Variants in SUPV3L1 observed in about 807,000 individuals in gnomAD.
SUPV3L1 encodes the protein ATP-dependent RNA helicase SUPV3L1, mitochondrial.
Under a neutral mutation model 70.0 loss-of-function variants are expected in SUPV3L1, and 35 were observed. The observed-to-expected ratio is 0.50, with a 90% CI of 0.38 to 0.66. SUPV3L1 has a LOEUF of 0.66. Among genes scored for constraint, SUPV3L1 ranks in the 30% least tolerant of loss-of-function variants. SUPV3L1 has a pLI of 0.00. For missense variants in SUPV3L1, 777 were observed against 961.5 expected (o/e 0.81, Z 2.54); for synonymous variants, 364 against 341.9 (o/e 1.06, Z -0.71).
intron 6 of SUPV3L1, chr10:69,193,246 A>G (rs1842444283): frequency 8.6e-6 from 1 of 116,654 alleles, no homozygotes; most frequent in African/African-American, 2.5e-5. Flanking sequence ...GTGGGTGTGT[A>G]TATTAAACAA....
chr10:69,200,221 A>G, intron 10 of SUPV3L1, 59 bp from the exon 11 acceptor site: 1 of 1,405,454 alleles, frequency 7.1e-7, no homozygotes, highest in Non-Finnish European at 9.9e-7. Context: ...TTATGCAATG[A>G]CCCAAGTATT....
chr10:69,202,983 T>C lies in SUPV3L1; in HGVS notation c.1716T>C (p.Tyr572=). Reference sequence around the variant, plus strand: ...TTCCACTAAGTCTGCGAGTGAGGTATGTTTTCTGCACAGCTCCTATCAACA... The same window carrying C: ...TTCCACTAAGTCTGCGAGTGAGGTACGTTTTCTGCACAGCTCCTATCAACA... The part of the protein sequence containing the change: ...QHIPLSLRVR[Y]VFCTAPINKK... The change falls in exon 13 of 15, where the codon TAT becomes TAC. Residue 572 remains tyrosine, a synonymous_variant. Coordinates refer to ENST00000359655, the MANE Select transcript of SUPV3L1 (RefSeq NM_003171.5). 1.9e-6 allele frequency: 3 copies of C among 1,614,186 alleles called. 1 individual carries two copies. Among genetic ancestry groups the C allele is most frequent in the Non-Finnish European group, 2.5e-6 (3 of 1,180,020 alleles).
chr10:69,187,866 A>G, intron 4 of SUPV3L1, 110 bp downstream of exon 4: 1 of 696,494 alleles, frequency 1.4e-6, no homozygotes, highest in Non-Finnish European at 2.3e-6. Flanking sequence ...AGGAGTCTGG[A>G]TTAGGTTGTT....
chr10:69,204,693 G>A (rs1037852169), intron 13 of SUPV3L1, among the ~76,000 whole-genome samples: 4 of 151,890 alleles, frequency 2.6e-5, no homozygotes, highest in African/African-American at 9.7e-5. Flanking sequence ...TTTGCAGACT[G>A]TTTTTCATTG....
chr10:69,181,628 T>C (rs1337692156), intron 1 of SUPV3L1, among the ~76,000 whole-genome samples: 1 of 152,198 alleles, frequency 6.6e-6, no homozygotes, highest in East Asian at 1.9e-4. Flanking sequence ...TGACTCATGG[T>C]TCTGAGCCGG....
At chr10:69,181,404 CTAAAA>C (rs1353408778) in intron 1 of SUPV3L1, among the ~76,000 whole-genome samples, 3 of 152,136 alleles carry the variant, frequency 2.0e-5, no homozygotes, top group Admixed American at 2.0e-4. Flanking sequence ...TATTGTAAAT[CTAAAA>C]TATAGACTAC....
chr10:69,208,069 A>G (rs1842881277), intron 14 of SUPV3L1, 128 bp downstream of exon 14: 8 of 1,186,850 alleles, frequency 6.7e-6, no homozygotes, highest in Non-Finnish European at 9.4e-6. Flanking sequence ...TCTATTGTCC[A>G]TAAAGGCAAT....
In SUPV3L1 at chr10:69,208,848, G is replaced by T; in HGVS notation, c.2174G>T (p.Ser725Ile). ...ALGSKATEPP[S>I]PDAGELSLAS... ...GGGAGTAAAGCTACTGAGCCACCCAGCCCCGATGCAGGAGAGCTGTCCCTT... is the reference window on the plus strand; with the variant it reads ...GGGAGTAAAGCTACTGAGCCACCCATCCCCGATGCAGGAGAGCTGTCCCTT... The change falls in exon 15 of 15, where the codon AGC (serine) becomes ATC (isoleucine). Residue 725 changes from serine to isoleucine, a missense_variant. Coordinates refer to ENST00000359655, the MANE Select transcript of SUPV3L1 (RefSeq NM_003171.5). 10 of 1,614,150 alleles carry T rather than the reference G, an allele frequency of 6.2e-6. No homozygotes were observed. The highest frequency in any genetic ancestry group is 8.5e-6 in the Non-Finnish European group (10 of 1,180,028).
intron 1 of SUPV3L1, among the ~76,000 whole-genome samples, chr10:69,183,466 C>T (rs1457069302): frequency 6.6e-6 from 1 of 152,128 alleles, no homozygotes; most frequent in Non-Finnish European, 1.5e-5. Context: ...ATCGCTTGAG[C>T]CCAGGAGCTC....
chr10:69,186,341 A>AAG lies in SUPV3L1; in HGVS notation c.350-101_350-100insGA, dbSNP rs1554859084. 4.9e-3 allele frequency: 3,091 copies of AAG among 633,772 alleles called. 21 individuals carry two copies. Among genetic ancestry groups the AAG allele is most frequent in the Non-Finnish European group, 6.2e-3 (2,375 of 385,026 alleles). The allele number at this position is 633,772 out of a possible 1,614,324, so 39.3% of individuals were successfully genotyped here. A position where few individuals can be genotyped will look rare whatever the true frequency, so the allele number is the denominator to read the frequency against. On this transcript the variant is annotated intron_variant, in intron 2 of 14. Coordinates refer to ENST00000359655, the MANE Select transcript of SUPV3L1 (RefSeq NM_003171.5). ...CTGTACTGCCAAAAAAAAAAAAAAAAAAAGAAAAAAAAAGACTCTTTGATG... is the reference window on the plus strand; with the variant it reads ...CTGTACTGCCAAAAAAAAAAAAAAAAAGAAAGAAAAAAAAAGACTCTTTGATG...
At chr10:69,191,228 G>C (rs1842385780) in intron 5 of SUPV3L1, among the ~76,000 whole-genome samples, 1 of 134,002 alleles carries the variant, frequency 7.5e-6, no homozygotes. Context: ...AAAAAGCATT[G>C]GGAATTTTTT....
chr10:69,198,346 T>G lies in SUPV3L1; in HGVS notation c.1024-26T>G. The G allele has an allele frequency of 2.6e-6, 4 of 1,568,492 alleles. No individual in the cohort carries two copies. In the South Asian group the frequency reaches 3.6e-5, roughly 14 times the overall value. On this transcript the variant is annotated intron_variant, in intron 8 of 14. Coordinates refer to ENST00000359655, the MANE Select transcript of SUPV3L1 (RefSeq NM_003171.5). ...CAAGAAGTTGAGTTGGGTGTGTCAT[T>G]TTGCCATTTCATGTCTTTATTGTAG...
rs201381298 is a variant in SUPV3L1, at chr10:69,208,998, G to A, written c.2324G>A (p.Gly775Glu). ...EKTESGTHPK[G>E]TRRKKKEPDS... ...ACAGAGTCTGGGACTCATCCAAAAG[G>A]GACGAGAAGAAAGAAGAAGGAACCT... is the stretch of plus-strand genomic sequence containing the variant. Residue 775 changes from glycine (G) to glutamate (E), a missense_variant, in exon 15 of 15, where the codon GGG becomes GAG. Gly to Glu is a moderately conservative substitution (Grantham distance 98). Around this residue, in one of 2 missense-constraint regions of SUPV3L1, gnomAD observed 619 missense variants for 823.3 expected, o/e 0.75. Transcript: ENST00000359655. 53 of 1,572,248 alleles carry A rather than the reference G, an allele frequency of 3.4e-5. No individual in the cohort carries two copies. In the East Asian group the frequency reaches 7.0e-4, roughly 21 times the overall value.
rs777328817 is a variant in SUPV3L1, at chr10:69,191,785, A to G, written c.853+19A>G. On this transcript the variant is annotated intron_variant, in intron 6 of 14. Transcript: ENST00000359655. ...ACTCCTTGTATGTATATGCTGTTTA[A>G]GAAACTATGGTTTGGTATTTTTAAT... The G allele has an allele frequency of 4.4e-6, 7 of 1,576,576 alleles. No homozygotes were observed. The highest frequency in any genetic ancestry group is 1.1e-5 in the South Asian group (1 of 88,232).
intron 13 of SUPV3L1, among the ~76,000 whole-genome samples, chr10:69,205,051 A>T (rs1476138475): frequency 6.6e-6 from 1 of 152,204 alleles, no homozygotes; most frequent in Non-Finnish European, 1.5e-5. Flanking sequence ...GATTACAGGC[A>T]TGAGCCATTG....
intron 1 of SUPV3L1, among the ~76,000 whole-genome samples, chr10:69,185,038 A>G (rs904675248): frequency 1.3e-5 from 2 of 152,158 alleles, no homozygotes; most frequent in African/African-American, 2.4e-5. Context: ...TCATAGTGGC[A>G]TGTTATCTCC....
rs1203162610 is a variant in SUPV3L1 at position 69,186,146 on chromosome 10, G to A, written c.349+82G>A. On this transcript the variant is annotated intron_variant, in intron 2 of 14. Transcript: ENST00000359655. The stretch of plus-strand genomic sequence containing the variant: ...GTCAGGACTGTACGACCCCTCATGT[G>A]ACCTGGCTGTTGTAGTCTGGAGACA... 2.4e-6 allele frequency: 3 copies of A among 1,241,344 alleles called. No homozygotes were observed. In the African/African-American group the frequency reaches 4.6e-5, roughly 19 times the overall value. The allele number at this position is 1,241,344 out of a possible 1,614,324, so 76.9% of individuals were successfully genotyped here.
chr10:69,183,643 C>A (rs1469014353), intron 1 of SUPV3L1, among the ~76,000 whole-genome samples: 1 of 152,058 alleles, frequency 6.6e-6, no homozygotes, highest in African/African-American at 2.4e-5. Flanking sequence ...GATTGCACCA[C>A]CACACTCCAG....
At chr10:69,193,599 G>A (rs1842459152) in intron 6 of SUPV3L1, among the ~76,000 whole-genome samples, 1 of 151,970 alleles carries the variant, frequency 6.6e-6, no homozygotes, top group African/African-American at 2.4e-5. Context: ...TTGTAGAGAA[G>A]AGGTCTCACT....
Sources: gnomAD v4.1 joint callset for allele counts (sites outside exome capture counted in the v4.1 genomes callset) on GRCh38, gnomAD v4.1.1 for gene constraint, gnomAD v4.1.1 regional missense constraint, MANE v1.5 for transcripts, NCBI Gene and HGNC (gene_info 2026-07-23, HGNC 2026-07-21) for gene names.